COL5A2: variants seen among roughly 807,000 people sequenced by gnomAD.
The protein encoded by COL5A2 is collagen type V alpha 2 chain.
Under a neutral mutation model 208.2 loss-of-function variants are expected in COL5A2, and 23 were observed. The observed-to-expected ratio is 0.11, with a 90% CI of 0.08 to 0.16. The LOEUF (loss-of-function observed/expected upper bound fraction) is 0.16. Ranked by LOEUF, COL5A2 falls within the 10% of genes least tolerant of loss-of-function variation. COL5A2 has a pLI of 1.00. For synonymous variants in COL5A2, 625 were observed against 628.5 expected, an observed-to-expected ratio of 0.99 and a Z score of 0.08; for missense variants, 1,590 against 1,956.4, an observed-to-expected ratio of 0.81 and a Z score of 3.53.
intron 7 of COL5A2, among the ~76,000 whole-genome samples, chr2:189,089,354 C>A (rs1017780883): frequency 6.6e-6 from 1 of 152,150 alleles, no homozygotes; most frequent in Non-Finnish European, 1.5e-5. Flanking sequence ...AATTAAAAAA[C>A]CCTAGTAATC....
At chr2:189,386,103 T>C in the COL5A2 span, among the ~76,000 whole-genome samples, 1 of 152,156 alleles carries the variant, frequency 6.6e-6, no homozygotes, top group African/African-American at 2.4e-5. Context: ...TGGAGGAAAC[T>C]GTCCCTATGT....
the COL5A2 span, among the ~76,000 whole-genome samples, chr2:189,339,919 A>C: frequency 5.3e-5 from 8 of 152,228 alleles, no homozygotes; most frequent in Non-Finnish European, 2.9e-5. Context: ...ATCAATGTCC[A>C]TGTTTATTCA....
At chr2:189,378,657 G>A in the COL5A2 span, among the ~76,000 whole-genome samples, 1 of 151,618 alleles carries the variant, frequency 6.6e-6, no homozygotes, top group Admixed American at 6.6e-5. Context: ...CCAGGAGGCG[G>A]AGCTTGCAGT....
chr2:189,182,154 C>A (rs1232788385), upstream of COL5A2, among the ~76,000 whole-genome samples: 3 of 152,130 alleles, frequency 2.0e-5, no homozygotes, highest in Admixed American at 2.0e-4. Context: ...TGGTTGAATT[C>A]AGAATAGAGG....
the COL5A2 span, among the ~76,000 whole-genome samples, chr2:189,416,145 C>G: frequency 6.6e-6 from 1 of 152,164 alleles, no homozygotes; most frequent in Non-Finnish European, 1.5e-5. Context: ...TTGTGGAAGT[C>G]AGTGTGGCGA....
At chr2:189,086,920 C>A in intron 8 of COL5A2, 150 bp from the exon 9 acceptor site, 1 of 688,448 alleles carries the variant, frequency 1.5e-6, no homozygotes, top group Non-Finnish European at 2.6e-6. Context: ...ATTTGGAAGG[C>A]AGCTAAATTC....
chr2:189,224,498 G>T (rs1283748839), intron 1 of COL5A2, among the ~76,000 whole-genome samples: 1 of 152,042 alleles, frequency 6.6e-6, no homozygotes, highest in Non-Finnish European at 1.5e-5. Context: ...AGACCAGCCT[G>T]ACCAACATGG....
chr2:189,177,873 T>A (rs1035112663), intron 1 of COL5A2, among the ~76,000 whole-genome samples: 1 of 152,224 alleles, frequency 6.6e-6, no homozygotes, highest in African/African-American at 2.4e-5. Context: ...TTTATTCACA[T>A]ATTCAATTAT....
intron 27 of COL5A2, 41 bp from the exon 28 acceptor site, chr2:189,063,104 G>T (rs1408262197): frequency 6.2e-7 from 1 of 1,612,472 alleles, no homozygotes; most frequent in Admixed American, 1.7e-5. Flanking sequence ...CCTTCAATTT[G>T]TCAAAAACAT....
At chr2:189,304,626 A>AC in the COL5A2 span, among the ~76,000 whole-genome samples, 1 of 152,172 alleles carries the variant, frequency 6.6e-6, no homozygotes, top group Admixed American at 6.5e-5. Context: ...CAAGGACAGC[A>AC]CCAACACATG....
At chr2:189,326,662 T>A in the COL5A2 span, among the ~76,000 whole-genome samples, 1 of 151,826 alleles carries the variant, frequency 6.6e-6, no homozygotes, top group Admixed American at 6.6e-5. Context: ...TTGCCCTCCA[T>A]CCTGGGTGAC....
At chr2:189,150,110 A>G (rs1688115640) in intron 1 of COL5A2, among the ~76,000 whole-genome samples, 1 of 152,128 alleles carries the variant, frequency 6.6e-6, no homozygotes, top group Non-Finnish European at 1.5e-5. Context: ...ACTAGCCCTC[A>G]CTCATTACTG....
chr2:189,092,209 C>G, intron 7 of COL5A2, 101 bp downstream of exon 7: 1 of 788,272 alleles, frequency 1.3e-6, no homozygotes, highest in African/African-American at 1.7e-5. Flanking sequence ...CTCTTACAGT[C>G]AAGTGTCAAT....
chr2:189,219,504 G>A (rs1689321039), intron 1 of COL5A2, among the ~76,000 whole-genome samples: 1 of 152,018 alleles, frequency 6.6e-6, no homozygotes, highest in African/African-American at 2.4e-5. Context: ...CAAAAATCTG[G>A]AACTACCTTT....
At chr2:189,205,153 T>C (rs778657663) in intron 1 of COL5A2, among the ~76,000 whole-genome samples, 28 of 152,236 alleles carry the variant, frequency 1.8e-4, no homozygotes, top group Non-Finnish European at 3.2e-4. Context: ...CACAAGAATA[T>C]GGAGACTCCT....
At chr2:189,156,039 T>C (rs1688240100) in intron 1 of COL5A2, among the ~76,000 whole-genome samples, 1 of 152,200 alleles carries the variant, frequency 6.6e-6, no homozygotes, top group Non-Finnish European at 1.5e-5. Flanking sequence ...TTTCTTTTTT[T>C]AGAAGGATGC....
the COL5A2 span, among the ~76,000 whole-genome samples, chr2:189,416,496 G>A: frequency 2.0e-5 from 3 of 152,182 alleles, no homozygotes; most frequent in East Asian, 3.9e-4. Flanking sequence ...TCACTCATAG[G>A]TGGGAATGGA....
At chr2:189,142,589 A>G (rs1687954946) in intron 1 of COL5A2, among the ~76,000 whole-genome samples, 1 of 152,164 alleles carries the variant, frequency 6.6e-6, no homozygotes, top group East Asian at 1.9e-4. Flanking sequence ...CCACTCTTAT[A>G]TAAGGTCAAC....
At chr2:189,385,925 C>CTG in the COL5A2 span, among the ~76,000 whole-genome samples, 1 of 152,172 alleles carries the variant, frequency 6.6e-6, no homozygotes, top group African/African-American at 2.4e-5. Flanking sequence ...AGAGATTTAA[C>CTG]TGACTCACAG....
Sources: allele counts gnomAD v4.1 joint callset (sites outside exome capture counted in the v4.1 genomes callset), GRCh38; gene constraint gnomAD v4.1.1; transcripts MANE v1.5; gene names NCBI Gene and HGNC (gene_info 2026-07-23, HGNC 2026-07-21).